NRXN1: variants seen among roughly 807,000 people sequenced by gnomAD.
NRXN1 encodes neurexin-1.
Under a neutral mutation model 150.9 loss-of-function variants are expected in NRXN1, and 39 were observed. That is an observed-to-expected ratio of 0.26 (90% CI 0.20 to 0.34). The LOEUF (loss-of-function observed/expected upper bound fraction) is 0.34, where lower values mean the gene tolerates loss of function less well. NRXN1 is among the 10% of genes least tolerant of loss of function. The pLI, the probability that NRXN1 is intolerant of heterozygous loss-of-function variation, is 1.00. For synonymous variants in NRXN1, 924 were observed against 757.0 expected (o/e 1.22, Z -3.62); for missense variants, 1,815 against 1,949.9 (o/e 0.93, Z 1.30).
intron 5 of NRXN1, among the ~76,000 whole-genome samples, chr2:50,766,248 C>T (rs1200460825): frequency 1.3e-5 from 2 of 152,014 alleles, no homozygotes; most frequent in Non-Finnish European, 2.9e-5. Flanking sequence ...AAGCATTCTC[C>T]CCATGATTTA....
chr2:50,934,456 T>C (rs1482293261), intron 2 of NRXN1, among the ~76,000 whole-genome samples: 1 of 152,284 alleles, frequency 6.6e-6, no homozygotes, highest in East Asian at 1.9e-4. Flanking sequence ...AACTGCATGA[T>C]TGAATATGTA....
intron 17 of NRXN1, among the ~76,000 whole-genome samples, chr2:50,291,699 G>T (rs937025699): frequency 2.0e-5 from 3 of 152,166 alleles, no homozygotes; most frequent in African/African-American, 7.2e-5. Context: ...TAAGGACAAA[G>T]TCCCTAAATA....
chr2:50,569,076 C>A (rs1434798326), intron 8 of NRXN1, among the ~76,000 whole-genome samples: 1 of 151,948 alleles, frequency 6.6e-6, no homozygotes, highest in African/African-American at 2.4e-5. Context: ...TCACCTATTT[C>A]TGGGAGCTAA....
chr2:50,846,723 A>G (rs1290214998), intron 5 of NRXN1, among the ~76,000 whole-genome samples: 1 of 152,226 alleles, frequency 6.6e-6, no homozygotes, highest in East Asian at 1.9e-4. Flanking sequence ...AGATAAAAAT[A>G]TGAGTGATTT....
chr2:50,620,421 G>T (rs935226999), intron 7 of NRXN1, among the ~76,000 whole-genome samples: 9 of 152,026 alleles, frequency 5.9e-5, no homozygotes, highest in Admixed American at 5.9e-4. Flanking sequence ...AAACTAGTTA[G>T]AGAGTTAACT....
chr2:50,499,080 A>C (rs1334189780), intron 13 of NRXN1, among the ~76,000 whole-genome samples: 7 of 152,228 alleles, frequency 4.6e-5, no homozygotes, highest in Non-Finnish European at 7.3e-5. Flanking sequence ...TAGTCAAGAC[A>C]GTAAAATATT....
intron 18 of NRXN1, among the ~76,000 whole-genome samples, chr2:50,095,703 A>G (rs1700119278): frequency 6.6e-6 from 1 of 151,936 alleles, no homozygotes; most frequent in Admixed American, 6.6e-5. Flanking sequence ...GTTTTTTTGC[A>G]ACACAATAAA....
intron 2 of NRXN1, among the ~76,000 whole-genome samples, chr2:50,990,496 T>C (rs912549953): frequency 6.6e-6 from 1 of 152,024 alleles, no homozygotes; most frequent in Non-Finnish European, 1.5e-5. Flanking sequence ...CTTTGCCACA[T>C]AGCTTATTCT....
At chr2:49,953,497 C>T (rs867875175) in intron 21 of NRXN1, among the ~76,000 whole-genome samples, 6 of 152,012 alleles carry the variant, frequency 3.9e-5, no homozygotes, top group South Asian at 2.1e-4. Flanking sequence ...TACATATTTA[C>T]GATGTTGTAC....
At chr2:50,112,501 T>G (rs1180465209) in intron 18 of NRXN1, among the ~76,000 whole-genome samples, 2 of 152,246 alleles carry the variant, frequency 1.3e-5, no homozygotes, top group African/African-American at 4.8e-5. Flanking sequence ...CCACATTTAC[T>G]GGCTCAGTGC....
intron 17 of NRXN1, among the ~76,000 whole-genome samples, chr2:50,457,494 T>C (rs1341201276): frequency 6.6e-6 from 1 of 152,052 alleles, no homozygotes; most frequent in African/African-American, 2.4e-5. Flanking sequence ...AAAATATTCA[T>C]ACCTCACAAT....
intron 18 of NRXN1, among the ~76,000 whole-genome samples, chr2:50,195,737 A>G (rs2061715992): frequency 6.6e-6 from 1 of 152,120 alleles, no homozygotes; most frequent in African/African-American, 2.4e-5. Flanking sequence ...TTTTTTGAGG[A>G]AACACACAAA....
chr2:50,087,875 A>G (rs1330690150), intron 19 of NRXN1, among the ~76,000 whole-genome samples: 1 of 152,168 alleles, frequency 6.6e-6, no homozygotes. Context: ...TTAAAGGTAT[A>G]GTGTTGCTAC....
intron 15 of NRXN1, among the ~76,000 whole-genome samples, chr2:50,494,459 A>G (rs964516261): frequency 6.6e-6 from 1 of 152,170 alleles, no homozygotes; most frequent in South Asian, 2.1e-4. Flanking sequence ...AAGCTCTTCA[A>G]TCAGAGGGAA....
At chr2:50,746,096 A>G (rs1699991573) in intron 5 of NRXN1, among the ~76,000 whole-genome samples, 2 of 152,216 alleles carry the variant, frequency 1.3e-5, no homozygotes, top group Admixed American at 1.3e-4. Flanking sequence ...CCTGGCACCC[A>G]AATTTATATT....
At chr2:50,522,271 G>A (rs2092809441) in intron 12 of NRXN1, among the ~76,000 whole-genome samples, 2 of 152,124 alleles carry the variant, frequency 1.3e-5, no homozygotes, top group Admixed American at 6.5e-5. Context: ...AGTTTAGAAT[G>A]TTTCTTCTAA....
At chr2:50,329,617 G>GTGTA (rs2076653840) in intron 17 of NRXN1, among the ~76,000 whole-genome samples, 1 of 13,988 alleles carries the variant, frequency 7.1e-5, no homozygotes, top group East Asian at 1.7e-3. Context: ...GTGTGTGTGT[G>GTGTA]TATATATATA....
At chr2:50,517,750 T>G (rs1180623392) in intron 12 of NRXN1, among the ~76,000 whole-genome samples, 1 of 152,044 alleles carries the variant, frequency 6.6e-6, no homozygotes, top group Non-Finnish European at 1.5e-5. Context: ...GCTTAGAAAT[T>G]GGGGGAACTC....
intron 15 of NRXN1, among the ~76,000 whole-genome samples, chr2:50,492,442 G>A (rs546724824): frequency 9.7e-4 from 147 of 152,278 alleles, no homozygotes; most frequent in African/African-American, 3.4e-3. Flanking sequence ...TCAAGGTGGA[G>A]AATGAAATAC....
Sources: allele counts gnomAD v4.1 joint callset (sites outside exome capture counted in the v4.1 genomes callset), GRCh38; gene constraint gnomAD v4.1.1; transcripts MANE v1.5; gene names NCBI Gene and HGNC (gene_info 2026-07-23, HGNC 2026-07-21).